Variants in PPM1B observed in about 807,000 individuals in gnomAD.
PPM1B encodes the protein protein phosphatase 1B.
Under a neutral mutation model 43.0 loss-of-function variants are expected in PPM1B, and 22 were observed. The observed-to-expected ratio is 0.51, with a 90% CI of 0.37 to 0.73. PPM1B has a LOEUF of 0.73. PPM1B is among the 30% of genes least tolerant of loss of function. The pLI is 0.00. For synonymous variants in PPM1B, 217 were observed against 197.9 expected, an observed-to-expected ratio of 1.10 and a Z score of -0.81; for missense variants, 632 against 584.2, an observed-to-expected ratio of 1.08 and a Z score of -0.84.
At chr2:44,238,319 T>A (rs1269565055), downstream of PPM1B, among the ~76,000 whole-genome samples, 1 of 152,260 alleles carries the variant, frequency 6.6e-6, no homozygotes, top group Non-Finnish European at 1.5e-5. Context: ...AAGCTTATTT[T>A]AAATATTTAA....
At chr2:44,197,951 A>G (rs1475644818) in intron 1 of PPM1B, among the ~76,000 whole-genome samples, 3 of 152,124 alleles carry the variant, frequency 2.0e-5, no homozygotes, top group Non-Finnish European at 4.4e-5. Flanking sequence ...TAGCCTTCAG[A>G]AACCTTTGGG....
At chr2:44,176,735 G>T (rs542998924) in intron 1 of PPM1B, among the ~76,000 whole-genome samples, 1 of 152,152 alleles carries the variant, frequency 6.6e-6, no homozygotes, top group Admixed American at 6.5e-5. Context: ...TGGTGGTCTT[G>T]TGCTTTCATT....
At chr2:44,222,535 C>T (rs913443652) in intron 5 of PPM1B, among the ~76,000 whole-genome samples, 7 of 151,982 alleles carry the variant, frequency 4.6e-5, no homozygotes, top group African/African-American at 1.7e-4. Context: ...CTGTATTTAC[C>T]CAGCTCCTAC....
In PPM1B at chr2:44,230,595, G is replaced by T. The variant is rs1256452230; in HGVS notation, c.1317G>T (p.Ser439=). The change falls in exon 6 of 6, where the codon TCG becomes TCT. Residue 439 remains serine (S), a synonymous_variant. Coordinates refer to ENST00000282412, the MANE Select transcript of PPM1B (RefSeq NM_002706.6). The part of the protein sequence containing the change: ...PAEPAATATS[S]NSDAGNPVTM... ...AACCAGCTGCCACAGCTACTTCTTC[G>T]AACAGTGATGCTGGAAACCCAGTGA... 1 of 1,614,006 alleles carries T rather than the reference G, an allele frequency of 6.2e-7. No homozygotes were observed. Among genetic ancestry groups the T allele is most frequent in the African/African-American group, 1.3e-5 (1 of 74,916 alleles).
chr2:44,209,689 A>G (rs1192863330), intron 3 of PPM1B, among the ~76,000 whole-genome samples: 2 of 150,482 alleles, frequency 1.3e-5, no homozygotes, highest in Non-Finnish European at 2.9e-5. Context: ...AGGCAGGAGC[A>G]TTGCTTGAAT....
rs1236428798 is a variant in PPM1B at position 44,230,598 on chromosome 2, C to T, written c.1320C>T (p.Asn440=). Residue 440 remains asparagine, a synonymous_variant, in exon 6 of 6, where the codon AAC becomes AAT. Coordinates refer to ENST00000282412, the MANE Select transcript of PPM1B (RefSeq NM_002706.6). The part of the protein sequence containing the change: ...AEPAATATSS[N]SDAGNPVTMQ... ...CAGCTGCCACAGCTACTTCTTCGAA[C>T]AGTGATGCTGGAAACCCAGTGACAA... The T allele has an allele frequency of 6.2e-7, 1 of 1,614,134 alleles. No homozygotes were observed. Among genetic ancestry groups the T allele is most frequent in the Non-Finnish European group, 8.5e-7 (1 of 1,180,002 alleles).
intron 2 of PPM1B, 80 bp from the exon 3 acceptor site, chr2:44,209,130 A>T: frequency 8.2e-7 from 1 of 1,215,110 alleles, no homozygotes; most frequent in Non-Finnish European, 1.1e-6. Context: ...AATAAACTAT[A>T]ATTGCTTAAA....
At chr2:44,185,192 T>C (rs1262926321) in intron 1 of PPM1B, among the ~76,000 whole-genome samples, 1 of 152,100 alleles carries the variant, frequency 6.6e-6, no homozygotes, top group African/African-American at 2.4e-5. Context: ...TTCAGCATTG[T>C]TAATGAGATT....
chr2:44,195,081 C>A (rs1034140756), intron 1 of PPM1B, among the ~76,000 whole-genome samples: 1 of 151,822 alleles, frequency 6.6e-6, no homozygotes, highest in Non-Finnish European at 1.5e-5. Context: ...TTAGTAGAGA[C>A]AGGGTTTCAC....
chr2:44,220,907 A>C (rs536295225), intron 5 of PPM1B, among the ~76,000 whole-genome samples: 1 of 152,366 alleles, frequency 6.6e-6, no homozygotes, highest in Admixed American at 6.5e-5. Flanking sequence ...ACAAAGTATA[A>C]GATATCTTCA....
intron 5 of PPM1B, among the ~76,000 whole-genome samples, chr2:44,225,342 A>G (rs915063570): frequency 2.0e-5 from 3 of 152,216 alleles, no homozygotes; most frequent in African/African-American, 7.2e-5. Flanking sequence ...TAGGTGTGCT[A>G]TATCAACTGT....
Position 44,201,843 on chromosome 2 carries a change from C to T in PPM1B, c.644C>T (p.Pro215Leu). Residue 215 changes from proline (P) to leucine (L), a missense_variant, in exon 2 of 6, where the codon CCA becomes CTA. Around this residue, in one of 3 missense-constraint regions of PPM1B, gnomAD observed 40 missense variants for 80.8 expected, o/e 0.50. Coordinates refer to ENST00000282412, the MANE Select transcript of PPM1B (RefSeq NM_002706.6). The surrounding 1 kb of genome is among the most constrained non-coding windows in gnomAD (Gnocchi z 5.4). ...YDYKCVDGKG[P>L]TEQLVSPEPE... is the part of the protein sequence containing the mutation. ...TACAAGTGTGTTGATGGCAAGGGCCCAACAGAACAACTTGTTTCTCCAGAG... is the reference window on the plus strand; with the variant it reads ...TACAAGTGTGTTGATGGCAAGGGCCTAACAGAACAACTTGTTTCTCCAGAG... 1 of 1,614,072 alleles carries T rather than the reference C, an allele frequency of 6.2e-7. No homozygotes were observed. Among genetic ancestry groups the T allele is most frequent in the Non-Finnish European group, 8.5e-7 (1 of 1,180,004 alleles).
intron 1 of PPM1B, among the ~76,000 whole-genome samples, chr2:44,181,523 G>C (rs1667874074): frequency 6.6e-6 from 1 of 152,206 alleles, no homozygotes; most frequent in Admixed American, 6.5e-5. Context: ...GAAGAAGTTA[G>C]ATAATCAATG....
In PPM1B at chr2:44,218,059, G is replaced by T; in HGVS notation, c.1057G>T (p.Gly353Trp). The T allele has an allele frequency of 1.2e-6, 2 of 1,612,264 alleles. No individual in the cohort carries two copies. The highest frequency in any genetic ancestry group is 1.7e-6 in the Non-Finnish European group (2 of 1,179,108). ...AGAAAATATCCCAAATTTGCCTCCT[G>T]GGGGAGGTCTTGCTGGCAAGTAAGT... ...SAENIPNLPP[G>W]GGLAGKRNVI... The change falls in exon 4 of 6, where the codon GGG (glycine) becomes TGG (tryptophan). Residue 353 changes from glycine (G) to tryptophan (W), a missense_variant. Around this residue, in one of 3 missense-constraint regions of PPM1B, gnomAD observed 392 missense variants for 302.7 expected, o/e 1.29. Transcript: ENST00000282412.
At chr2:44,178,475 T>TA (rs1491152402) in intron 1 of PPM1B, among the ~76,000 whole-genome samples, 4,593 of 23,792 alleles carry the variant, frequency 0.19, 86 homozygotes, top group South Asian at 0.31. Flanking sequence ...TATATATATA[T>TA]TTTTTTTTTT....
intron 1 of PPM1B, among the ~76,000 whole-genome samples, chr2:44,183,980 C>T (rs1405604867): frequency 2.6e-5 from 4 of 152,166 alleles, no homozygotes; most frequent in Admixed American, 6.5e-5. Context: ...CCTCGTGATC[C>T]GCCCGCCTCG....
chr2:44,214,543 G>A (rs1669633047), intron 3 of PPM1B, among the ~76,000 whole-genome samples: 1 of 152,080 alleles, frequency 6.6e-6, no homozygotes, highest in Non-Finnish European at 1.5e-5. Flanking sequence ...TCAACTTGGG[G>A]TCCCATAAAG....
In PPM1B at chr2:44,217,998, G is replaced by C. The variant is rs779935133; in HGVS notation, c.996G>C (p.Met332Ile). 3.7e-6 allele frequency: 6 copies of C among 1,607,074 alleles called. No individual in the cohort carries two copies. The highest frequency in any genetic ancestry group is 1.7e-4 in the Middle Eastern group (1 of 6,014). The change falls in exon 4 of 6, where the codon ATG becomes ATC. Residue 332 changes from methionine (M) to isoleucine (I), a missense_variant. Met to Ile is a conservative substitution (Grantham distance 10). This residue lies in a region of PPM1B where 392 missense variants were observed against 302.7 expected (regional missense o/e 1.29). Coordinates refer to ENST00000282412, the MANE Select transcript of PPM1B (RefSeq NM_002706.6). ...EIMEKSGEEG[M>I]PDLAHVMRIL... ...TGGAGAAGTCTGGCGAGGAAGGAAT[G>C]CCTGATCTTGCCCATGTCATGCGCA...
intron 2 of PPM1B, among the ~76,000 whole-genome samples, chr2:44,205,404 C>A (rs1206468691): frequency 1.7e-5 from 2 of 118,788 alleles, no homozygotes; most frequent in African/African-American, 7.6e-5. Flanking sequence ...TTTCGGTTTT[C>A]ATGGTCTGAG....
Sources: allele counts gnomAD v4.1 joint callset (sites outside exome capture counted in the v4.1 genomes callset), GRCh38; gene constraint gnomAD v4.1.1; regional missense constraint gnomAD v4.1.1; non-coding constraint Gnocchi (gnomAD v3.1); transcripts MANE v1.5; gene names NCBI Gene and HGNC (gene_info 2026-07-23, HGNC 2026-07-21).